THSD7B: variants seen among roughly 807,000 people sequenced by gnomAD.
The protein encoded by THSD7B is thrombospondin type-1 domain-containing protein 7B.
Under a neutral mutation model 213.6 loss-of-function variants are expected in THSD7B, and 138 were observed. The observed-to-expected ratio is 0.65, with a 90% CI of 0.56 to 0.74. THSD7B has a LOEUF of 0.74. THSD7B is among the 30% of genes least tolerant of loss of function. The pLI, the probability that THSD7B is intolerant of heterozygous loss-of-function variation, is 0.00. For missense variants in THSD7B, 1,931 were observed against 1,991.5 expected (o/e 0.97, Z 0.58); for synonymous variants, 742 against 687.0 (o/e 1.08, Z -1.25).
intron 15 of THSD7B, among the ~76,000 whole-genome samples, chr2:137,463,069 G>A (rs2105082281): frequency 6.6e-6 from 1 of 152,246 alleles, no homozygotes; most frequent in South Asian, 2.1e-4. Flanking sequence ...AGGGGGCACA[G>A]TACAGTATTT....
rs1031995871 is a variant in THSD7B at position 137,076,538 on chromosome 2, C to T, written c.951-18335C>T. 1.2e-4 allele frequency among the ~76,000 whole-genome samples: 18 copies of T among 152,228 alleles called. No homozygotes were observed. The East Asian group carries it at 1.3e-3, about 11-fold the overall frequency. On this transcript the variant is annotated intron_variant, in intron 3 of 27. Coordinates refer to ENST00000409968, the MANE Select transcript of THSD7B (RefSeq NM_001316349.2). ...GAATTCCCTGACCCCTTGTGCTTCC[C>T]GGGTGAGGCGATGTCTCGCCCTGTT... is the stretch of plus-strand genomic sequence containing the variant.
At chr2:137,223,947 C>G (rs576049226) in intron 7 of THSD7B, among the ~76,000 whole-genome samples, 1 of 152,154 alleles carries the variant, frequency 6.6e-6, no homozygotes, top group Non-Finnish European at 1.5e-5. Flanking sequence ...GACTGCTCCC[C>G]CTTCTGCCAA....
chr2:137,295,512 T>C lies in THSD7B; in HGVS notation c.2500+19486T>C, dbSNP rs148476918. Reference sequence around the variant, plus strand: ...TTGTTTTTGAGATGGAGTCTTGCTCTGTTGCCAGGCTAGAGGGCAGTGGTG... The same window carrying C: ...TTGTTTTTGAGATGGAGTCTTGCTCCGTTGCCAGGCTAGAGGGCAGTGGTG... On this transcript the variant is annotated intron_variant, in intron 12 of 27. Transcript: ENST00000409968. 8.6e-3 allele frequency among the ~76,000 whole-genome samples: 1,312 copies of C among 152,250 alleles called. 22 individuals carry two copies. The highest frequency in any genetic ancestry group is 0.03 in the African/African-American group (1,237 of 41,566).
chr2:137,098,579 C>T (rs2104922316), intron 4 of THSD7B, among the ~76,000 whole-genome samples: 1 of 152,202 alleles, frequency 6.6e-6, no homozygotes, highest in South Asian at 2.1e-4. Context: ...ATCATTTGAA[C>T]AAGCAGGATT....
intron 7 of THSD7B, among the ~76,000 whole-genome samples, chr2:137,218,874 T>C (rs1681305676): frequency 6.6e-6 from 1 of 152,090 alleles, no homozygotes; most frequent in South Asian, 2.1e-4. Context: ...CTCTCTGTTT[T>C]CTGTTTGGAG....
Position 137,627,103 on chromosome 2 carries a change from T to C in THSD7B, c.3799+6377T>C, listed in dbSNP as rs1306135162. Among the ~76,000 whole-genome samples the C allele has an allele frequency of 2.6e-5, 4 of 152,066 alleles. No homozygotes were observed. In the East Asian group the frequency reaches 7.7e-4, roughly 29 times the overall value. Reference sequence around the variant, plus strand: ...AGGGGAGCAGGCATGTGCAAAACAGTCACATGGTGAGAAAGAGAACAAGAG... The same window carrying C: ...AGGGGAGCAGGCATGTGCAAAACAGCCACATGGTGAGAAAGAGAACAAGAG... On this transcript the variant is annotated intron_variant, in intron 20 of 27. Coordinates refer to ENST00000409968, the MANE Select transcript of THSD7B (RefSeq NM_001316349.2).
intron 2 of THSD7B, among the ~76,000 whole-genome samples, chr2:137,048,318 G>A (rs1293889565): frequency 6.6e-6 from 1 of 151,952 alleles, no homozygotes; most frequent in Non-Finnish European, 1.5e-5. Flanking sequence ...GAGTCTCACA[G>A]TCTTAAAATT....
chr2:137,308,131 T>C (rs1403347244), intron 12 of THSD7B, among the ~76,000 whole-genome samples: 2 of 152,056 alleles, frequency 1.3e-5, no homozygotes, highest in Non-Finnish European at 2.9e-5. Context: ...TAACCCCTTC[T>C]TGATGCTCCT....
intron 4 of THSD7B, among the ~76,000 whole-genome samples, chr2:137,107,822 C>T (rs993525127): frequency 6.6e-6 from 1 of 152,142 alleles, no homozygotes; most frequent in African/African-American, 2.4e-5. Context: ...GTTTGGCTGG[C>T]AAAGTCATTT....
At chr2:137,289,326 T>C (rs1383577329) in intron 12 of THSD7B, among the ~76,000 whole-genome samples, 5 of 151,932 alleles carry the variant, frequency 3.3e-5, no homozygotes, top group Admixed American at 2.0e-4. Flanking sequence ...AGAGTTAGTT[T>C]ATTAAAGGCT....
intron 3 of THSD7B, among the ~76,000 whole-genome samples, chr2:137,070,223 A>AT (rs919156056): frequency 5.9e-5 from 9 of 151,442 alleles, no homozygotes; most frequent in Non-Finnish European, 1.0e-4. Context: ...ATCCTTTTGA[A>AT]TTTTTTTTCA....
chr2:136,982,002 G>A (rs891875572), intron 2 of THSD7B, among the ~76,000 whole-genome samples: 3 of 152,226 alleles, frequency 2.0e-5, no homozygotes, highest in Admixed American at 6.5e-5. Context: ...TGACATAAAT[G>A]TGATGCCATT....
intron 12 of THSD7B, among the ~76,000 whole-genome samples, chr2:137,309,722 T>A (rs1683845456): frequency 6.6e-6 from 1 of 152,036 alleles, no homozygotes; most frequent in Non-Finnish European, 1.5e-5. Context: ...GTACTCATTG[T>A]TCAATTCCCA....
intron 26 of THSD7B, among the ~76,000 whole-genome samples, chr2:137,666,885 A>G (rs1683458551): frequency 6.6e-6 from 1 of 152,136 alleles, no homozygotes; most frequent in Admixed American, 6.5e-5. Context: ...TGGTTGATTC[A>G]TTTTGTTAAC....
intron 12 of THSD7B, among the ~76,000 whole-genome samples, chr2:137,391,593 A>G (rs769284163): frequency 8.5e-5 from 13 of 152,088 alleles, no homozygotes; most frequent in Non-Finnish European, 1.8e-4. Context: ...AGGCTGAGGC[A>G]GGAGAACCAC....
chr2:137,035,870 C>G (rs1686764956), intron 2 of THSD7B, among the ~76,000 whole-genome samples: 1 of 152,108 alleles, frequency 6.6e-6, no homozygotes, highest in Admixed American at 6.5e-5. Flanking sequence ...GGACATATAG[C>G]TTACATATTT....
At chr2:137,063,745 C>T (rs4340584) in intron 3 of THSD7B, among the ~76,000 whole-genome samples, 5 of 151,774 alleles carry the variant, frequency 3.3e-5, no homozygotes, top group Non-Finnish European at 5.9e-5. Flanking sequence ...TTTAATTTTT[C>T]GTTGTCACAG....
At chr2:136,990,208 CTCAT>C (rs141138198) in intron 2 of THSD7B, among the ~76,000 whole-genome samples, 2,513 of 152,314 alleles carry the variant, frequency 0.016, 34 homozygotes, top group Middle Eastern at 0.02. Context: ...ACTTAGAACT[CTCAT>C]TGATTGCATT....
At chr2:137,346,586 C>T (rs1390805830) in intron 12 of THSD7B, among the ~76,000 whole-genome samples, 1 of 151,460 alleles carries the variant, frequency 6.6e-6, no homozygotes, top group African/African-American at 2.4e-5. Context: ...AATTATTTTT[C>T]TTCTTTCTGA....
Sources: gnomAD v4.1 joint callset for allele counts (sites outside exome capture counted in the v4.1 genomes callset) on GRCh38, gnomAD v4.1.1 for gene constraint, MANE v1.5 for transcripts, NCBI Gene and HGNC (gene_info 2026-07-23, HGNC 2026-07-21) for gene names.